Variants in LDAH observed in about 807,000 individuals in gnomAD.
LDAH encodes lipid droplet associated hydrolase.
LDAH carries 26 observed loss-of-function variants against 29.6 expected under a neutral mutation model. The observed-to-expected ratio is 0.88, with a 90% CI of 0.64 to 1.22. The LOEUF is 1.22. Ranked by LOEUF, LDAH falls within the 50% of genes most tolerant of loss-of-function variation. LDAH has a pLI of 0.00. For synonymous variants in LDAH, 117 were observed against 133.0 expected, an observed-to-expected ratio of 0.88 and a Z score of 0.83; for missense variants, 344 against 387.3, an observed-to-expected ratio of 0.89 and a Z score of 0.94.
At chr2:20,720,812 G>A (rs1466997228) in intron 5 of LDAH, among the ~76,000 whole-genome samples, 1 of 152,068 alleles carries the variant, frequency 6.6e-6, no homozygotes, top group Non-Finnish European at 1.5e-5. Flanking sequence ...ATGTAATAGA[G>A]AACTCAGAAA....
chr2:20,730,966 CCAGA>C (rs1666361336), intron 5 of LDAH, among the ~76,000 whole-genome samples: 1 of 152,166 alleles, frequency 6.6e-6, no homozygotes, highest in Non-Finnish European at 1.5e-5. Context: ...AATCTTGCAA[CCAGA>C]CAGACTCACT....
At chr2:20,746,739 G>A (rs936608026) in intron 4 of LDAH, among the ~76,000 whole-genome samples, 1 of 151,418 alleles carries the variant, frequency 6.6e-6, no homozygotes, top group South Asian at 2.1e-4. Context: ...CAGCTGTGTG[G>A]TGAAGGTTTC....
At chr2:20,819,496 A>G (rs1673092259) in intron 1 of LDAH, among the ~76,000 whole-genome samples, 1 of 152,236 alleles carries the variant, frequency 6.6e-6, no homozygotes, top group East Asian at 1.9e-4. Flanking sequence ...TCCAGCATAT[A>G]AACAGAACCA....
In LDAH at chr2:20,785,101, T is replaced by C. The variant is rs560412018; in HGVS notation, c.298+5154A>G. On this transcript the variant is annotated intron_variant, in intron 3 of 6. Coordinates refer to ENST00000237822, the MANE Select transcript of LDAH (RefSeq NM_021925.4). The stretch of plus-strand genomic sequence containing the variant: ...ATAAACAGCTATCTACCAGATCAAT[T>C]TGGAACAAGAAAAATAAACTTTTTA... 6.3e-4 allele frequency among the ~76,000 whole-genome samples: 96 copies of C among 152,312 alleles called. 1 individual carries two copies. Among genetic ancestry groups the C allele is most frequent in the African/African-American group, 2.3e-3 (94 of 41,566 alleles).
intron 3 of LDAH, among the ~76,000 whole-genome samples, chr2:20,786,553 T>C (rs1670567897): frequency 6.6e-6 from 1 of 152,194 alleles, no homozygotes. Flanking sequence ...TCTAATGTTC[T>C]TGTTTTTTTT....
intron 4 of LDAH, among the ~76,000 whole-genome samples, chr2:20,743,899 C>A (rs544363142): frequency 7.3e-5 from 11 of 150,948 alleles, no homozygotes; most frequent in Admixed American, 2.0e-4. Context: ...TTTCTTTTCC[C>A]AGTCTTTTTC....
In LDAH at chr2:20,773,902, A is replaced by C. The variant is rs539667069; in HGVS notation, c.468+908T>G. Among the ~76,000 whole-genome samples the C allele has an allele frequency of 2.6e-5, 4 of 152,238 alleles. No homozygotes were observed. In the South Asian group the frequency reaches 8.3e-4, roughly 32 times the overall value. On this transcript the variant is annotated intron_variant, in intron 4 of 6. Transcript: ENST00000237822. ...TTGGCTTCAGATTACTAGGTTTACC[A>C]GCACTCCATGCTCCCACACCCCCTG...
chr2:20,807,935 C>CAA (rs569770455), intron 1 of LDAH, among the ~76,000 whole-genome samples: 1 of 108,748 alleles, frequency 9.2e-6, no homozygotes, highest in Non-Finnish European at 2.1e-5. Context: ...ATAGAAAATG[C>CAA]AAAAAAAAAA....
At chr2:20,783,900 T>G (rs1098155) in intron 3 of LDAH, among the ~76,000 whole-genome samples, 6 of 151,682 alleles carry the variant, frequency 4.0e-5, no homozygotes, top group African/African-American at 1.2e-4. Flanking sequence ...TTCTGTAGAG[T>G]TGGAGTTTCA....
intron 2 of LDAH, among the ~76,000 whole-genome samples, chr2:20,790,726 A>C (rs938281388): frequency 1.3e-5 from 2 of 152,202 alleles, no homozygotes. Context: ...AGAAGCATGC[A>C]CAGGGAGAGC....
chr2:20,699,927 T>G (rs958926565), intron 6 of LDAH, among the ~76,000 whole-genome samples: 1 of 152,182 alleles, frequency 6.6e-6, no homozygotes, highest in African/African-American at 2.4e-5. Context: ...ACAAGCTGAA[T>G]CCAGAAATGA....
chr2:20,710,606 G>GTGTGTGTATATATATA (rs1467950593), intron 5 of LDAH, among the ~76,000 whole-genome samples: 8 of 131,868 alleles, frequency 6.1e-5, no homozygotes, highest in African/African-American at 2.2e-4. Flanking sequence ...GTGTGTGTGT[G>GTGTGTGTATATATATA]TATATATATA....
chr2:20,722,581 TAGAAG>T (rs945084546), intron 5 of LDAH, among the ~76,000 whole-genome samples: 11 of 152,070 alleles, frequency 7.2e-5, no homozygotes, highest in African/African-American at 1.4e-4. Flanking sequence ...TCAAAATAGC[TAGAAG>T]AGAAGAATTG....
chr2:20,695,910 T>C (rs189248808), intron 6 of LDAH, among the ~76,000 whole-genome samples: 2 of 152,144 alleles, frequency 1.3e-5, no homozygotes, highest in Admixed American at 1.3e-4. Flanking sequence ...GTGGATTTGG[T>C]GTTTGAAGCT....
chr2:20,751,068 T>A (rs141307379), intron 4 of LDAH, among the ~76,000 whole-genome samples: 14 of 152,318 alleles, frequency 9.2e-5, no homozygotes, highest in African/African-American at 3.4e-4. Flanking sequence ...GGTCACAGGA[T>A]CTGTATCGCA....
chr2:20,704,228 A>T (rs1330279696), intron 5 of LDAH, among the ~76,000 whole-genome samples: 5 of 152,224 alleles, frequency 3.3e-5, no homozygotes, highest in Non-Finnish European at 7.3e-5. Flanking sequence ...TCTGTCTGTG[A>T]TATTAGCATG....
intron 1 of LDAH, among the ~76,000 whole-genome samples, chr2:20,802,085 T>C (rs955536084): frequency 4.0e-5 from 6 of 151,688 alleles, no homozygotes; most frequent in African/African-American, 1.5e-4. Flanking sequence ...TATATATATA[T>C]ACATATATAC....
intron 5 of LDAH, among the ~76,000 whole-genome samples, chr2:20,732,370 C>T (rs925472612): frequency 1.3e-5 from 2 of 151,900 alleles, no homozygotes; most frequent in Non-Finnish European, 2.9e-5. Flanking sequence ...TTATTTTTCT[C>T]TGGTTTTGAT....
chr2:20,739,867 C>T lies in LDAH; in HGVS notation c.703+104G>A, dbSNP rs7585447. 244 of 732,238 alleles carry T rather than the reference C, an allele frequency of 3.3e-4. 2 individuals carry two copies. The African/African-American group carries it at 4.0e-3, about 12-fold the overall frequency. The allele number at this position is 732,238 out of a possible 1,614,324, so 45.4% of individuals were successfully genotyped here. On this transcript the variant is annotated intron_variant, in intron 5 of 6. Coordinates refer to ENST00000237822, the MANE Select transcript of LDAH (RefSeq NM_021925.4). Reference sequence around the variant, plus strand: ...AAACTTTTGGAAGAGGAAAAAAAAACTAGTAAATAATTGCTTGCTTGATAT... The same window carrying T: ...AAACTTTTGGAAGAGGAAAAAAAAATTAGTAAATAATTGCTTGCTTGATAT...
Sources: allele counts gnomAD v4.1 joint callset (sites outside exome capture counted in the v4.1 genomes callset), GRCh38; gene constraint gnomAD v4.1.1; transcripts MANE v1.5; gene names NCBI Gene and HGNC (gene_info 2026-07-23, HGNC 2026-07-21).